Variants in STX8 observed in about 807,000 individuals in gnomAD.
STX8 encodes the protein syntaxin-8.
Under a neutral mutation model 37.5 loss-of-function variants are expected in STX8, and 23 were observed. The ratio of observed to expected loss-of-function variants is 0.61; its 90% CI spans 0.44 to 0.87. STX8 has a LOEUF of 0.87. STX8 is among the 40% of genes least tolerant of loss of function. The pLI is 0.00. For synonymous variants in STX8, 115 were observed against 99.1 expected, an observed-to-expected ratio of 1.16 and a Z score of -0.95; for missense variants, 313 against 284.7, an observed-to-expected ratio of 1.10 and a Z score of -0.71.
intron 6 of STX8, among the ~76,000 whole-genome samples, chr17:9,450,523 A>G (rs560785606): frequency 2.0e-5 from 3 of 151,538 alleles, no homozygotes; most frequent in Admixed American, 6.6e-5. Flanking sequence ...TATCTTACTC[A>G]GACTAGCCTC....
chr17:9,411,723 A>G (rs1912985546), intron 6 of STX8, among the ~76,000 whole-genome samples: 1 of 152,252 alleles, frequency 6.6e-6, no homozygotes, highest in Admixed American at 6.5e-5. Context: ...ATTCAAGCCA[A>G]TAATCTGCAA....
chr17:9,476,484 G>A (rs1416896931), intron 6 of STX8, among the ~76,000 whole-genome samples: 2 of 149,276 alleles, frequency 1.3e-5, no homozygotes, highest in South Asian at 2.1e-4. Context: ...ATAGAGTCTC[G>A]TTCTGTCACT....
At chr17:9,329,348 A>T (rs545911016) in intron 7 of STX8, among the ~76,000 whole-genome samples, 99 of 152,316 alleles carry the variant, frequency 6.5e-4, no homozygotes, top group African/African-American at 2.2e-3. Context: ...GGAAGAGAAA[A>T]GAGAGTCAGG....
At chr17:9,557,991 A>G (rs1347601447) in intron 2 of STX8, among the ~76,000 whole-genome samples, 3 of 152,242 alleles carry the variant, frequency 2.0e-5, no homozygotes, top group Non-Finnish European at 4.4e-5. Flanking sequence ...AGGCTCTCTG[A>G]ACAACTGGTA....
chr17:9,255,551 TAA>T (rs1297901975), intron 7 of STX8, among the ~76,000 whole-genome samples: 8 of 67,638 alleles, frequency 1.2e-4, no homozygotes, highest in African/African-American at 3.8e-4. Context: ...AATAAATAAA[TAA>T]ATATATAAAT....
At chr17:9,458,141 T>C (rs72818032) in intron 6 of STX8, among the ~76,000 whole-genome samples, 9,910 of 152,254 alleles carry the variant, frequency 0.065, 490 homozygotes, top group Non-Finnish European at 0.1. Flanking sequence ...GAGGAGTAAA[T>C]ATGCTGGCTT....
chr17:9,475,876 C>T (rs1394710182), intron 6 of STX8, among the ~76,000 whole-genome samples: 3 of 152,288 alleles, frequency 2.0e-5, no homozygotes, highest in Admixed American at 6.5e-5. Flanking sequence ...AGAAGCCTTT[C>T]GGGTAAATAA....
chr17:9,357,883 G>A (rs569999288), intron 7 of STX8, among the ~76,000 whole-genome samples: 2 of 152,240 alleles, frequency 1.3e-5, no homozygotes, highest in East Asian at 3.9e-4. Flanking sequence ...CTAATGTGAA[G>A]TCCCAAATTC....
chr17:9,257,066 C>T (rs1351163000), intron 7 of STX8, among the ~76,000 whole-genome samples: 1 of 152,156 alleles, frequency 6.6e-6, no homozygotes, highest in Non-Finnish European at 1.5e-5. Context: ...GCCCTGGGCC[C>T]GCTGGCACCT....
chr17:9,342,935 C>T (rs566673542), intron 7 of STX8, among the ~76,000 whole-genome samples: 25 of 150,162 alleles, frequency 1.7e-4, no homozygotes, highest in Non-Finnish European at 3.1e-4. Context: ...GCAGGAGAAT[C>T]GCCTGAACCC....
At chr17:9,279,867 G>A (rs1486589501) in intron 7 of STX8, among the ~76,000 whole-genome samples, 1 of 152,070 alleles carries the variant, frequency 6.6e-6, no homozygotes, top group East Asian at 1.9e-4. Flanking sequence ...AAACCCTTTT[G>A]AACTAAAGAA....
chr17:9,557,843 C>T (rs779783255), intron 2 of STX8, among the ~76,000 whole-genome samples: 2 of 152,126 alleles, frequency 1.3e-5, no homozygotes, highest in Non-Finnish European at 2.9e-5. Flanking sequence ...TGAGCTTCTA[C>T]CCCATTGATC....
chr17:9,367,947 G>A (rs917347223), intron 7 of STX8, among the ~76,000 whole-genome samples: 1 of 152,182 alleles, frequency 6.6e-6, no homozygotes, highest in East Asian at 1.9e-4. Context: ...GGTCAGGCTG[G>A]TCTCGAACTC....
rs895088093 is a variant in STX8 at position 9,535,623 on chromosome 17, G to A, written c.323+9549C>T. ...AATTTTTTGTATTTTTAGTAGAGACGGGGTTTCACCGTGTTAGCCAGGATG... is the reference window on the plus strand; with the variant it reads ...AATTTTTTGTATTTTTAGTAGAGACAGGGTTTCACCGTGTTAGCCAGGATG... On this transcript the variant is annotated intron_variant, in intron 4 of 7. Coordinates refer to ENST00000306357, the MANE Select transcript of STX8 (RefSeq NM_004853.3). Among the ~76,000 whole-genome samples the A allele has an allele frequency of 6.6e-5, 10 of 151,458 alleles. No individual in the cohort carries two copies. In the South Asian group the frequency reaches 1.7e-3, roughly 25 times the overall value.
At chr17:9,384,174 G>A (rs73257819) in intron 6 of STX8, among the ~76,000 whole-genome samples, 1,594 of 150,702 alleles carry the variant, frequency 0.011, 30 homozygotes, top group African/African-American at 0.036. Flanking sequence ...GAGAGAACAC[G>A]GTATTTTAAA....
intron 6 of STX8, among the ~76,000 whole-genome samples, chr17:9,464,538 T>C (rs1905526453): frequency 6.6e-6 from 1 of 152,154 alleles, no homozygotes; most frequent in African/African-American, 2.4e-5. Flanking sequence ...GGGTCTCTAG[T>C]ACTTAAACAC....
At chr17:9,471,870 T>G (rs1019383035) in intron 6 of STX8, among the ~76,000 whole-genome samples, 10 of 152,296 alleles carry the variant, frequency 6.6e-5, no homozygotes, top group Non-Finnish European at 1.3e-4. Context: ...TGTATCCTTT[T>G]GCTATGATAA....
chr17:9,514,253 T>C (rs1214388615), intron 4 of STX8, among the ~76,000 whole-genome samples: 2 of 152,208 alleles, frequency 1.3e-5, no homozygotes, highest in Non-Finnish European at 2.9e-5. Flanking sequence ...ATATATTACA[T>C]GTATGAAAAC....
intron 6 of STX8, among the ~76,000 whole-genome samples, chr17:9,487,883 T>C (rs1240574284): frequency 1.3e-5 from 2 of 152,142 alleles, no homozygotes; most frequent in Non-Finnish European, 2.9e-5. Context: ...TAAGAACCAA[T>C]ACAAAGTACA....
Sources: gnomAD v4.1 joint callset for allele counts (sites outside exome capture counted in the v4.1 genomes callset) on GRCh38, gnomAD v4.1.1 for gene constraint, MANE v1.5 for transcripts, NCBI Gene and HGNC (gene_info 2026-07-23, HGNC 2026-07-21) for gene names.